The following IL13RA1 variants were observed in gnomAD, a reference collection of about 807,000 sequenced individuals.
The protein encoded by IL13RA1 is interleukin-13 receptor subunit alpha-1.
In IL13RA1, 14 loss-of-function variants were observed where a neutral mutation model predicts 33.8. That is an observed-to-expected ratio of 0.41 (90% confidence interval 0.27 to 0.65). The LOEUF (loss-of-function observed/expected upper bound fraction) is 0.65, where lower values mean the gene tolerates loss of function less well. IL13RA1 is among the 30% of genes least tolerant of loss of function. The pLI is 0.28. For synonymous variants in IL13RA1, 116 were observed against 115.7 expected (o/e 1.00, Z -0.02); for missense variants, 313 against 327.0 (o/e 0.96, Z 0.33).
intron 1 of IL13RA1, among the ~76,000 whole-genome samples, chrX:118,735,671 C>G (rs1036411011): frequency 3.6e-5 from 4 of 111,712 alleles, no homozygotes; most frequent in South Asian, 3.7e-4. Flanking sequence ...CCTCAGCCAC[C>G]CAAGTAGCTG....
At chrX:118,764,684 A>G (rs764301058) in intron 6 of IL13RA1, among the ~76,000 whole-genome samples, 1 of 111,653 alleles carries the variant, frequency 9.0e-6, no homozygotes, top group African/African-American at 3.3e-5. Flanking sequence ...ACAGATTTTC[A>G]TGTGTTTTTT....
the IL13RA1 span, among the ~76,000 whole-genome samples, chrX:118,802,286 T>A: frequency 8.9e-6 from 1 of 112,383 alleles, no homozygotes; most frequent in Non-Finnish European, 1.9e-5. Context: ...TAGGGCCCCA[T>A]GAAGACTAGA....
intron 10 of IL13RA1, among the ~76,000 whole-genome samples, chrX:118,779,851 A>G (rs921316212): frequency 2.7e-5 from 3 of 111,720 alleles, no homozygotes; most frequent in Non-Finnish European, 5.6e-5. Context: ...CAAGTTTTCA[A>G]GTCTGAGTAA....
chrX:118,727,907 C>T (rs1421187723), intron 1 of IL13RA1, among the ~76,000 whole-genome samples, 181 bp downstream of exon 1: 1 of 111,924 alleles, frequency 8.9e-6, no homozygotes, highest in Non-Finnish European at 1.9e-5. Context: ...TCTCTGGGGC[C>T]CGGTACTGGG....
chrX:118,787,459 G>T (rs1226269704), intron 10 of IL13RA1, among the ~76,000 whole-genome samples: 2 of 111,546 alleles, frequency 1.8e-5, no homozygotes, highest in Non-Finnish European at 3.8e-5. Context: ...AATTTCGCCT[G>T]GTTCCTGGTC....
the IL13RA1 span, among the ~76,000 whole-genome samples, chrX:118,804,704 CAA>C: frequency 8.9e-6 from 1 of 111,746 alleles, no homozygotes; most frequent in African/African-American, 3.3e-5. Context: ...TATCTGTGGT[CAA>C]GTGTGTGCTT....
the IL13RA1 span, among the ~76,000 whole-genome samples, chrX:118,800,434 C>G: frequency 1.8e-5 from 2 of 110,510 alleles, no homozygotes; most frequent in African/African-American, 3.3e-5. Context: ...ACGAAGAACT[C>G]CAGACGCGCT....
intron 1 of IL13RA1, among the ~76,000 whole-genome samples, chrX:118,738,781 C>CTTTTT (rs144796443): frequency 1.5e-4 from 9 of 60,227 alleles, no homozygotes; most frequent in African/African-American, 2.7e-4. Flanking sequence ...ATTTTAAGTC[C>CTTTTT]TTTTTTTTTT....
At chrX:118,781,478 G>A (rs747150586) in intron 10 of IL13RA1, among the ~76,000 whole-genome samples, 5 of 110,477 alleles carry the variant, frequency 4.5e-5, no homozygotes, top group African/African-American at 1.3e-4. Context: ...TCAGCCTCCC[G>A]AGTAGCTGGG....
chrX:118,800,399 C>T, the IL13RA1 span, among the ~76,000 whole-genome samples: 1 of 110,736 alleles, frequency 9.0e-6, no homozygotes, highest in African/African-American at 3.3e-5. Context: ...CTGAGCCCAG[C>T]GAGACCACGA....
chrX:118,729,167 C>A (rs953836886), intron 1 of IL13RA1, among the ~76,000 whole-genome samples: 4 of 111,021 alleles, frequency 3.6e-5, no homozygotes, highest in African/African-American at 9.9e-5. Flanking sequence ...TCTAAAGTTA[C>A]CCGTCTCATT....
At chrX:118,796,675 C>T (rs750866254), downstream of IL13RA1, among the ~76,000 whole-genome samples, 1 of 111,410 alleles carries the variant, frequency 9.0e-6, no homozygotes, top group African/African-American at 3.3e-5. Flanking sequence ...GTAGCTGAGA[C>T]TAGGTGACCG....
chrX:118,732,105 G>A (rs1306930319), intron 1 of IL13RA1, among the ~76,000 whole-genome samples: 3 of 110,654 alleles, frequency 2.7e-5, no homozygotes, highest in Admixed American at 9.6e-5. Flanking sequence ...TCAGTGTTAC[G>A]AAATACATTC....
At chrX:118,802,119 G>T in the IL13RA1 span, among the ~76,000 whole-genome samples, 2 of 110,891 alleles carry the variant, frequency 1.8e-5, no homozygotes, top group Non-Finnish European at 3.8e-5. Flanking sequence ...AACATGTGAG[G>T]GTTGCCGTAC....
intron 1 of IL13RA1, among the ~76,000 whole-genome samples, chrX:118,740,147 G>A (rs1219173541): frequency 9.0e-6 from 1 of 111,497 alleles, no homozygotes; most frequent in Non-Finnish European, 1.9e-5. Flanking sequence ...TAACTTTTTT[G>A]TATAGATGGG....
intron 4 of IL13RA1, among the ~76,000 whole-genome samples, chrX:118,755,048 C>G (rs924394881): frequency 2.3e-4 from 24 of 105,468 alleles, no homozygotes; most frequent in African/African-American, 8.4e-4. Flanking sequence ...TCCCGAGTTC[C>G]AGTGATTCTC....
At position 118,766,955 on chromosome X, in the gene IL13RA1, T is replaced by G; in HGVS notation, c.988T>G (p.Trp330Gly). ...TGAGGATGACAAACTCTGGAGTAAT[T>G]GGAGCCAAGAAATGAGTATAGGTAA... The part of the protein sequence containing the change: ...CYEDDKLWSN[W>G]SQEMSIGKKR... Residue 330 changes from tryptophan (W) to glycine (G), a missense_variant, in exon 8 of 11, where the codon TGG becomes GGG. Trp to Gly is a radical substitution (Grantham distance 184, BLOSUM62 -2). Coordinates refer to ENST00000371666, the MANE Select transcript of IL13RA1 (RefSeq NM_001560.3). 1 of 1,132,175 alleles carries G rather than the reference T, an allele frequency of 8.8e-7. No individual in the cohort carries two copies. 93.3% of individuals were successfully genotyped at this position (1,132,175 alleles called of 1,213,427 possible).
At chrX:118,733,590 T>A (rs989144695) in intron 1 of IL13RA1, among the ~76,000 whole-genome samples, 2 of 112,003 alleles carry the variant, frequency 1.8e-5, no homozygotes, top group Non-Finnish European at 3.8e-5. Context: ...CTTTTTTCTG[T>A]GAATATTTTG....
At chrX:118,799,050 G>A (rs1273787547), downstream of IL13RA1, among the ~76,000 whole-genome samples, 1 of 112,798 alleles carries the variant, frequency 8.9e-6, no homozygotes, top group African/African-American at 3.2e-5. Flanking sequence ...CGCACTCGGA[G>A]CAGCCAGCCA....
Sources: gnomAD v4.1 joint callset for allele counts (sites outside exome capture counted in the v4.1 genomes callset) on GRCh38, gnomAD v4.1.1 for gene constraint, MANE v1.5 for transcripts, NCBI Gene and HGNC (gene_info 2026-07-23, HGNC 2026-07-21) for gene names.